TRIP13: variants seen among roughly 807,000 people sequenced by gnomAD.
TRIP13 encodes the protein pachytene checkpoint protein 2 homolog.
Under a neutral mutation model 54.4 loss-of-function variants are expected in TRIP13, and 25 were observed. The observed-to-expected ratio is 0.46, with a 90% CI of 0.33 to 0.64. The LOEUF is 0.64. TRIP13 is among the 30% of genes least tolerant of loss of function. The pLI is 0.02. For missense variants in TRIP13, 373 were observed against 534.2 expected (o/e 0.70, Z 2.97); for synonymous variants, 207 against 207.8 (o/e 1.00, Z 0.03).
In TRIP13 at chr5:914,533, AAAC is replaced by A; in HGVS notation, c.1093_1095del (p.Asn365del). On this transcript the variant is annotated inframe_deletion, in exon 11 of 13. Coordinates refer to ENST00000166345, the MANE Select transcript of TRIP13 (RefSeq NM_004237.4). ...AGCTAGAGATGATTGGCTTCATTGAAAACAACGTGTCAAAATTGAGCCTTCTTT... is the reference window on the plus strand; with the variant it reads ...AGCTAGAGATGATTGGCTTCATTGAAAACGTGTCAAAATTGAGCCTTCTTT... 6.2e-7 allele frequency: 1 copy of A among 1,613,772 alleles called. No individual in the cohort carries two copies. The highest frequency in any genetic ancestry group is 8.5e-7 in the Non-Finnish European group (1 of 1,179,956).
chr5:905,890 TG>T (rs1246370865), intron 6 of TRIP13, among the ~76,000 whole-genome samples: 111 of 152,388 alleles, frequency 7.3e-4, no homozygotes, highest in African/African-American at 2.6e-3. Flanking sequence ...CCCTTTGCTT[TG>T]ACATATTGAA....
At chr5:896,819 G>A (rs1397814686) in intron 3 of TRIP13, 25 bp downstream of exon 3, 15 of 1,609,456 alleles carry the variant, frequency 9.3e-6, no homozygotes, top group Non-Finnish European at 1.3e-5. Flanking sequence ...GGGAGTTGAA[G>A]GGGAGGCTGA....
intron 6 of TRIP13, among the ~76,000 whole-genome samples, chr5:905,212 C>T (rs1037055301): frequency 2.6e-5 from 4 of 152,028 alleles, no homozygotes; most frequent in Admixed American, 6.6e-5. Flanking sequence ...TCTGGGGTCT[C>T]CACTGAGTGT....
At chr5:903,352 T>A (rs1270420118) in intron 5 of TRIP13, among the ~76,000 whole-genome samples, 1 of 152,118 alleles carries the variant, frequency 6.6e-6, no homozygotes, top group Non-Finnish European at 1.5e-5. Context: ...TCCCCTCAGC[T>A]CCTATCTCTG....
Position 908,258 on chromosome 5 carries a change from A to G in TRIP13, c.760-97A>G. On this transcript the variant is annotated intron_variant, in intron 8 of 12. Coordinates refer to ENST00000166345, the MANE Select transcript of TRIP13 (RefSeq NM_004237.4). The surrounding 1 kb of genome is among the most constrained non-coding windows in gnomAD (Gnocchi z 5.2). ...AGGCTAGGCACGGGAACACCCATTC[A>G]TTCATCTTTTTCACGTGCTCAGCGG... 3 of 1,465,474 alleles carry G rather than the reference A, an allele frequency of 2.0e-6. No homozygotes were observed. The highest frequency in any genetic ancestry group is 1.2e-5 in the South Asian group (1 of 86,794). 90.8% of individuals were successfully genotyped at this position (1,465,474 alleles called of 1,614,324 possible).
At chr5:895,217 G>A (rs1753889244) in intron 2 of TRIP13, among the ~76,000 whole-genome samples, 1 of 152,200 alleles carries the variant, frequency 6.6e-6, no homozygotes, top group African/African-American at 2.4e-5. Context: ...AGTGGGCTGC[G>A]CTGGTAAGGC....
chr5:906,976 A>G (rs2150687471), intron 6 of TRIP13, among the ~76,000 whole-genome samples, 154 bp from the exon 7 acceptor site: 1 of 152,338 alleles, frequency 6.6e-6, no homozygotes, highest in African/African-American at 2.4e-5. Flanking sequence ...ATTATTTAGT[A>G]CACGGAGGGC....
chr5:908,807 A>C lies in TRIP13; in HGVS notation c.866+346A>C. 2.3e-6 allele frequency: 1 copy of C among 435,862 alleles called. No individual in the cohort carries two copies. Among genetic ancestry groups the C allele is most frequent in the South Asian group, 4.2e-5 (1 of 23,572 alleles). 27.0% of individuals were successfully genotyped at this position (435,862 alleles called of 1,614,324 possible). A position where few individuals can be genotyped will look rare whatever the true frequency, so the allele number is the denominator to read the frequency against. On this transcript the variant is annotated intron_variant, in intron 9 of 12. Transcript: ENST00000166345. The surrounding 1 kb of genome is among the most constrained non-coding windows in gnomAD (Gnocchi z 5.2). ...CCCTGTCTCTACTAAAAATACAAAA[A>C]ATTAGCTGGGCATGATGGCGGGCGC...
At position 894,777 on chromosome 5, in the gene TRIP13, C is replaced by T; in HGVS notation, c.93-10C>T. ...AGATCATTTATGTGTGTTTTGGCTT[C>T]TTTTTTTAGCACTGCAAAGAAAGAA... is the stretch of plus-strand genomic sequence containing the variant. On this transcript the variant is annotated splice_polypyrimidine_tract_variant and intron_variant, in intron 1 of 12. Coordinates refer to ENST00000166345, the MANE Select transcript of TRIP13 (RefSeq NM_004237.4). The T allele has an allele frequency of 6.3e-7, 1 of 1,586,442 alleles. No homozygotes were observed. The highest frequency in any genetic ancestry group is 8.6e-7 in the Non-Finnish European group (1 of 1,168,910).
At chr5:916,574 T>C (rs1579205873) in intron 12 of TRIP13, among the ~76,000 whole-genome samples, 1 of 152,212 alleles carries the variant, frequency 6.6e-6, no homozygotes, top group African/African-American at 2.4e-5. Flanking sequence ...GAGGTGACAG[T>C]GGCCATGGAT....
At chr5:914,688 A>T in intron 11 of TRIP13, 111 bp downstream of exon 11, 1 of 808,056 alleles carries the variant, frequency 1.2e-6, no homozygotes, top group South Asian at 1.5e-5. Context: ...TGAACTCTCA[A>T]CACAGTATAG....
chr5:903,934 C>A (rs760907269), intron 5 of TRIP13, among the ~76,000 whole-genome samples: 4 of 152,142 alleles, frequency 2.6e-5, no homozygotes, highest in Non-Finnish European at 4.4e-5. Context: ...ACCAGAAATA[C>A]GAAGTTGAGT....
chr5:916,591 T>C (rs1754345834), intron 12 of TRIP13, among the ~76,000 whole-genome samples: 1 of 152,132 alleles, frequency 6.6e-6, no homozygotes, highest in African/African-American at 2.4e-5. Flanking sequence ...GGATCATGAG[T>C]GGGAGCCTTT....
chr5:908,486 C>T lies in TRIP13; in HGVS notation c.866+25C>T. 1.2e-6 allele frequency: 2 copies of T among 1,612,336 alleles called. No homozygotes were observed. Among genetic ancestry groups the T allele is most frequent in the Middle Eastern group, 3.3e-4 (2 of 6,062 alleles). ...GGTAACCAGGACATGCAGCAATTTT[C>T]CCTGAGAAGTGATGAGAAGTTTGTC... On this transcript the variant is annotated intron_variant, in intron 9 of 12. Transcript: ENST00000166345. This position sits in a 1 kb window ranked among gnomAD's most constrained non-coding sequence, Gnocchi z 5.2.
chr5:907,912 G>A lies in TRIP13; in HGVS notation c.673-76G>A, dbSNP rs1236257166. The A allele has an allele frequency of 6.1e-6, 9 of 1,470,448 alleles. No individual in the cohort carries two copies. The South Asian group carries it at 9.1e-5, about 15-fold the overall frequency. 91.1% of individuals were successfully genotyped at this position (1,470,448 alleles called of 1,614,324 possible). ...CTTGTGGGGACAACTGGGGCAGCAG[G>A]CCACATCAGGGTCCCCCTGTGCACC... On this transcript the variant is annotated intron_variant, in intron 7 of 12. Coordinates refer to ENST00000166345, the MANE Select transcript of TRIP13 (RefSeq NM_004237.4). The surrounding 1 kb of genome is among the most constrained non-coding windows in gnomAD (Gnocchi z 4.1).
In TRIP13 at chr5:901,445, G is replaced by A; in HGVS notation, c.535+14G>A. The stretch of plus-strand genomic sequence containing the variant: ...TGCTGCTCCACGGTAAATTATGCAG[G>A]CTTTTATTTGACCAGATAAGTGGCA... On this transcript the variant is annotated intron_variant, in intron 5 of 12. Transcript: ENST00000166345. The A allele has an allele frequency of 6.2e-7, 1 of 1,612,812 alleles. No individual in the cohort carries two copies. The highest frequency in any genetic ancestry group is 1.7e-5 in the Admixed American group (1 of 59,894).
Position 892,923 on chromosome 5 carries a change from G to A in TRIP13, c.-76G>A. On this transcript the variant is annotated 5_prime_UTR_variant, in exon 1 of 13. Coordinates refer to ENST00000166345, the MANE Select transcript of TRIP13 (RefSeq NM_004237.4). ...GGCGGGGCCCGCGGGCTGAGGCAGC[G>A]GCTGTGGCGGCGACGCTGGGCGTGA... The A allele has an allele frequency of 7.5e-7, 1 of 1,336,064 alleles. No homozygotes were observed. Among genetic ancestry groups the A allele is most frequent in the Non-Finnish European group, 9.8e-7 (1 of 1,019,610 alleles). The allele number at this position is 1,336,064 out of a possible 1,614,324, so 82.8% of individuals were successfully genotyped here.
chr5:895,200 G>A (rs1753888888), intron 2 of TRIP13, among the ~76,000 whole-genome samples: 1 of 152,206 alleles, frequency 6.6e-6, no homozygotes, highest in African/African-American at 2.4e-5. Flanking sequence ...ATGCAGTGCT[G>A]TACAATAGTG....
Position 908,222 on chromosome 5 carries a change from G to T in TRIP13, c.760-133G>T. 2 of 1,378,000 alleles carry T rather than the reference G, an allele frequency of 1.5e-6. No individual in the cohort carries two copies. Among genetic ancestry groups the T allele is most frequent in the South Asian group, 2.4e-5 (2 of 82,044 alleles). 85.4% of individuals were successfully genotyped at this position (1,378,000 alleles called of 1,614,324 possible). On this transcript the variant is annotated intron_variant, in intron 8 of 12. Transcript: ENST00000166345. This position sits in a 1 kb window ranked among gnomAD's most constrained non-coding sequence, Gnocchi z 5.2. The stretch of plus-strand genomic sequence containing the variant: ...GCACTGTGCGCCTTTCCACCTTGCC[G>T]CAGCATCCGCAGGCTAGGCACGGGA...
Sources: allele counts gnomAD v4.1 joint callset (sites outside exome capture counted in the v4.1 genomes callset), GRCh38; gene constraint gnomAD v4.1.1; non-coding constraint Gnocchi (gnomAD v3.1); transcripts MANE v1.5; gene names NCBI Gene and HGNC (gene_info 2026-07-23, HGNC 2026-07-21).